The following ST8SIA6 variants were observed in gnomAD, a reference collection of about 807,000 sequenced individuals.
ST8SIA6 encodes alpha-2,8-sialyltransferase 8F.
A neutral mutation model predicts 33.6 loss-of-function variants in ST8SIA6; 39 were observed. The observed-to-expected ratio is 1.16, with a 90% CI of 0.90 to 1.52. The LOEUF (loss-of-function observed/expected upper bound fraction) is 1.52. Ranked by LOEUF, ST8SIA6 falls within the 40% of genes most tolerant of loss-of-function variation. The probability of loss-of-function intolerance (pLI) is 0.00; values close to 1 mark genes in which losing one functional copy is unlikely to be tolerated. For synonymous variants in ST8SIA6, 172 were observed against 167.2 expected (o/e 1.03, Z -0.22); for missense variants, 441 against 443.8 (o/e 0.99, Z 0.06).
At chr10:17,379,137 C>CAAAAAAAAAAAAAAAA (rs1335757401) in intron 3 of ST8SIA6, among the ~76,000 whole-genome samples, 1 of 105,774 alleles carries the variant, frequency 9.5e-6, no homozygotes, top group Non-Finnish European at 1.8e-5. Flanking sequence ...AAAAAAAAAA[C>CAAAAAAAAAAAAAAAA]AAAAACAAAA....
chr10:17,444,923 C>T (rs1045097361), intron 2 of ST8SIA6, among the ~76,000 whole-genome samples: 3 of 152,200 alleles, frequency 2.0e-5, no homozygotes, highest in Non-Finnish European at 4.4e-5. Context: ...AGAAACCAGA[C>T]TCAAGGCAGC....
chr10:17,344,638 G>A (rs1034711478), intron 4 of ST8SIA6, among the ~76,000 whole-genome samples: 1 of 152,118 alleles, frequency 6.6e-6, no homozygotes, highest in Non-Finnish European at 1.5e-5. Flanking sequence ...TCTGTCCTTC[G>A]TGGGAAAATA....
chr10:17,393,940 T>A (rs929867324), intron 2 of ST8SIA6, among the ~76,000 whole-genome samples: 4 of 152,228 alleles, frequency 2.6e-5, no homozygotes, highest in Non-Finnish European at 5.9e-5. Flanking sequence ...CCTTCTGTGC[T>A]TTCTGAATGT....
At chr10:17,377,318 G>A (rs892789528) in intron 3 of ST8SIA6, among the ~76,000 whole-genome samples, 1 of 152,076 alleles carries the variant, frequency 6.6e-6, no homozygotes, top group Non-Finnish European at 1.5e-5. Context: ...TTCGGACTTG[G>A]TCTGCCTCCA....
At chr10:17,446,551 A>G (rs1852714707) in intron 2 of ST8SIA6, among the ~76,000 whole-genome samples, 1 of 152,210 alleles carries the variant, frequency 6.6e-6, no homozygotes, top group African/African-American at 2.4e-5. Context: ...CAGAGAAGTG[A>G]CACTTCGGAA....
At position 17,319,077 on chromosome 10, in the gene ST8SIA6, C is replaced by G. The variant is rs532364602; in HGVS notation, c.*1801G>C. Among the ~76,000 whole-genome samples the G allele has an allele frequency of 6.6e-6, 1 of 152,272 alleles. No individual in the cohort carries two copies. Among genetic ancestry groups the G allele is most frequent in the East Asian group, 1.9e-4 (1 of 5,190 alleles). ...CAACAACCCCAATCTGCTGTGAAAT[C>G]ACAACTATAGACCCACTTGAGAAAA... is the stretch of plus-strand genomic sequence containing the variant. On this transcript the variant is annotated 3_prime_UTR_variant, in exon 8 of 8. Coordinates refer to ENST00000377602, the MANE Select transcript of ST8SIA6 (RefSeq NM_001004470.3).
intron 2 of ST8SIA6, 147 bp downstream of exon 2, chr10:17,453,412 G>A: frequency 2.1e-6 from 1 of 475,652 alleles, no homozygotes; most frequent in Non-Finnish European, 3.3e-6. Flanking sequence ...CCAACCCCGC[G>A]CCCTCTTCAA....
intron 4 of ST8SIA6, among the ~76,000 whole-genome samples, chr10:17,337,220 A>C (rs983574021): frequency 2.6e-5 from 4 of 152,088 alleles, no homozygotes; most frequent in Admixed American, 1.3e-4. Context: ...AAGTTTCCTG[A>C]GGCCTCCTCA....
intron 4 of ST8SIA6, among the ~76,000 whole-genome samples, chr10:17,335,881 T>C (rs974763880): frequency 1.9e-4 from 29 of 152,160 alleles, no homozygotes; most frequent in African/African-American, 7.0e-4. Flanking sequence ...TTCAATGCCC[T>C]CAAGAATATT....
chr10:17,451,989 C>T (rs186701733), intron 2 of ST8SIA6, among the ~76,000 whole-genome samples: 5 of 152,104 alleles, frequency 3.3e-5, no homozygotes, highest in African/African-American at 9.7e-5. Flanking sequence ...CAAAGATTAC[C>T]TCTAAAAACG....
chr10:17,412,170 G>C (rs925090203), intron 2 of ST8SIA6, among the ~76,000 whole-genome samples: 1 of 152,016 alleles, frequency 6.6e-6, no homozygotes, highest in African/African-American at 2.4e-5. Flanking sequence ...CAATTGCTGT[G>C]ACCATCCTCA....
chr10:17,371,623 A>G (rs551089472), intron 3 of ST8SIA6, among the ~76,000 whole-genome samples: 2 of 151,806 alleles, frequency 1.3e-5, no homozygotes, highest in Non-Finnish European at 2.9e-5. Context: ...CTTCTCGACT[A>G]AAAATACAAA....
At chr10:17,340,219 A>G (rs1282953617) in intron 4 of ST8SIA6, among the ~76,000 whole-genome samples, 1 of 152,136 alleles carries the variant, frequency 6.6e-6, no homozygotes, top group Non-Finnish European at 1.5e-5. Flanking sequence ...TCCGTAAACA[A>G]CCTTCCCACC....
At chr10:17,359,645 T>C (rs770478226) in intron 3 of ST8SIA6, 45 bp from the exon 4 acceptor site, 9 of 1,278,032 alleles carry the variant, frequency 7.0e-6, no homozygotes, top group South Asian at 4.1e-5. Flanking sequence ...TGATCTCATA[T>C]GTAAGTCTTC....
chr10:17,422,443 T>C (rs45466893), intron 2 of ST8SIA6, among the ~76,000 whole-genome samples: 18,001 of 152,152 alleles, frequency 0.12, 1,108 homozygotes, highest in South Asian at 0.15. Flanking sequence ...TTTTCTGTCC[T>C]CCCATAATTC....
intron 4 of ST8SIA6, among the ~76,000 whole-genome samples, chr10:17,350,649 C>CT (rs200376251): frequency 0.22 from 32,565 of 146,480 alleles, 3,655 homozygotes; most frequent in East Asian, 0.49. Flanking sequence ...TAGACACCAC[C>CT]TTTTTTTTTT....
At position 17,317,969 on chromosome 10, in the gene ST8SIA6, T is replaced by G. The variant is rs1189247527; in HGVS notation, c.*2909A>C. 1.3e-5 allele frequency among the ~76,000 whole-genome samples: 2 copies of G among 152,162 alleles called. No individual in the cohort carries two copies. Among genetic ancestry groups the G allele is most frequent in the Non-Finnish European group, 2.9e-5 (2 of 68,038 alleles). Reference sequence around the variant, plus strand: ...CGAGGATTATTACACTGCGCAAAAATTAACACTATGCAATTGATCATGAAG... The same window carrying G: ...CGAGGATTATTACACTGCGCAAAAAGTAACACTATGCAATTGATCATGAAG... On this transcript the variant is annotated 3_prime_UTR_variant, in exon 8 of 8. Coordinates refer to ENST00000377602, the MANE Select transcript of ST8SIA6 (RefSeq NM_001004470.3).
chr10:17,393,201 A>G (rs976686470), intron 2 of ST8SIA6, among the ~76,000 whole-genome samples: 8 of 152,174 alleles, frequency 5.3e-5, no homozygotes, highest in Non-Finnish European at 8.8e-5. Context: ...CATGGTTTCC[A>G]TCAAAGTCTC....
chr10:17,381,554 C>G (rs1214600976), intron 3 of ST8SIA6, among the ~76,000 whole-genome samples: 1 of 152,160 alleles, frequency 6.6e-6, no homozygotes, highest in African/African-American at 2.4e-5. Context: ...TAAGTAAAAT[C>G]TTTAATAAAT....
Sources: gnomAD v4.1 joint callset for allele counts (sites outside exome capture counted in the v4.1 genomes callset) on GRCh38, gnomAD v4.1.1 for gene constraint, MANE v1.5 for transcripts, NCBI Gene and HGNC (gene_info 2026-07-23, HGNC 2026-07-21) for gene names.